Variants in ADAMTS7 observed in about 807,000 individuals in gnomAD.
ADAMTS7 encodes A disintegrin and metalloproteinase with thrombospondin motifs 7.
A neutral mutation model predicts 172.6 loss-of-function variants in ADAMTS7; 89 were observed. The observed-to-expected ratio is 0.52, with a 90% CI of 0.43 to 0.61. The LOEUF is 0.61. Among genes scored for constraint, ADAMTS7 ranks in the 20% least tolerant of loss-of-function variants. The probability of loss-of-function intolerance (pLI) is 0.00; values close to 1 mark genes in which losing one functional copy is unlikely to be tolerated. For missense variants in ADAMTS7, 1,973 were observed against 2,355.6 expected (o/e 0.84, Z 3.36); for synonymous variants, 885 against 978.4 (o/e 0.90, Z 1.78).
At chr15:78,798,807 A>C (rs1275651483) in intron 2 of ADAMTS7, among the ~76,000 whole-genome samples, 5 of 152,176 alleles carry the variant, frequency 3.3e-5, no homozygotes, top group African/African-American at 1.2e-4. Flanking sequence ...AACAGGAAAG[A>C]AGGTTTTATG....
chr15:78,759,613 T>C (rs1306373836), intron 23 of ADAMTS7, 35 bp from the exon 24 acceptor site: 2 of 1,531,820 alleles, frequency 1.3e-6, no homozygotes, highest in East Asian at 2.4e-5. Context: ...TCAGAACCAG[T>C]AGCTTGGGGT....
At position 78,811,327 on chromosome 15, in the gene ADAMTS7, G is replaced by A. The variant is rs998959186; in HGVS notation, c.-107C>T. The A allele has an allele frequency of 8.4e-7, 1 of 1,188,466 alleles. No homozygotes were observed. The highest frequency in any genetic ancestry group is 1.0e-6 in the Non-Finnish European group (1 of 954,210). 73.6% of individuals were successfully genotyped at this position (1,188,466 alleles called of 1,614,324 possible). A position where few individuals can be genotyped will look rare whatever the true frequency, so the allele number is the denominator to read the frequency against. On this transcript the variant is annotated 5_prime_UTR_variant, in exon 1 of 24. Coordinates refer to ENST00000388820, the MANE Select transcript of ADAMTS7 (RefSeq NM_014272.5). ...GGCTCAGGACATGCCCGGCCGGCGT[G>A]CAGCTCCCGGCGACCCGGCCCCGAC...
rs192327608 is a variant in ADAMTS7, at chr15:78,804,682, C to T, written c.101-4135G>A. ...CTCCCTCTGCTCACAACCGCCGCAG[C>T]GATGCCAGCCTCAAAGAGCTTTCTC... On this transcript the variant is annotated intron_variant, in intron 1 of 23. Transcript: ENST00000388820. Among the ~76,000 whole-genome samples the T allele has an allele frequency of 3.1e-3, 465 of 152,340 alleles. 3 individuals carry two copies. The highest frequency in any genetic ancestry group is 0.011 in the African/African-American group (440 of 41,572).
intron 8 of ADAMTS7, among the ~76,000 whole-genome samples, chr15:78,783,329 G>T (rs1401123581): frequency 6.6e-6 from 1 of 152,192 alleles, no homozygotes; most frequent in Non-Finnish European, 1.5e-5. Flanking sequence ...GAGTACAGTG[G>T]CGCAATCTCA....
At position 78,771,482 on chromosome 15, in the gene ADAMTS7, C is replaced by T; in HGVS notation, c.2376+103G>A. 1 of 1,540,134 alleles carries T rather than the reference C, an allele frequency of 6.5e-7. No homozygotes were observed. Among genetic ancestry groups the T allele is most frequent in the Non-Finnish European group, 8.7e-7 (1 of 1,146,326 alleles). On this transcript the variant is annotated intron_variant, in intron 15 of 23. Transcript: ENST00000388820. This position sits in a 1 kb window ranked among gnomAD's most constrained non-coding sequence, Gnocchi z 4.9. ...CCTGGCTCAGAGCCAGGCTCTGTGACTGAACCAGGGCTCACTCCTCCAGGA... is the reference window on the plus strand; with the variant it reads ...CCTGGCTCAGAGCCAGGCTCTGTGATTGAACCAGGGCTCACTCCTCCAGGA...
rs762159131 is a variant in ADAMTS7 at position 78,774,253 on chromosome 15, C to T, written c.1924G>A (p.Glu642Lys). The change falls in exon 13 of 24, where the codon GAG becomes AAG. Residue 642 changes from glutamate to lysine, a missense_variant. Physicochemically the swap from Glu to Lys is moderately conservative, Grantham distance 56. Around this residue, in one of 8 missense-constraint regions of ADAMTS7, gnomAD observed 526 missense variants for 662.9 expected, o/e 0.79. Transcript: ENST00000388820. ...HCRPANEYFA[E>K]KLRDAVVDGT... is the part of the protein sequence containing the mutation. Reference sequence around the variant, plus strand: ...TCGACCACGGCGTCCCGCAGCTTCTCGGCAAAGTACTCATTCGCGGGCCGG... The same window carrying T: ...TCGACCACGGCGTCCCGCAGCTTCTTGGCAAAGTACTCATTCGCGGGCCGG... The T allele has an allele frequency of 1.8e-5, 28 of 1,581,850 alleles. No homozygotes were observed. The highest frequency in any genetic ancestry group is 2.7e-5 in the African/African-American group (2 of 74,712).
chr15:78,759,368 C>G lies in ADAMTS7; in HGVS notation c.*53G>C. On this transcript the variant is annotated 3_prime_UTR_variant, in exon 24 of 24. Transcript: ENST00000388820. ...GGCGCAGGGGGCGGGAGCTCCGCCA[C>G]AGCCCGTGGTGGGCACTGAGGTCTG... 1.3e-6 allele frequency: 2 copies of G among 1,515,472 alleles called. No homozygotes were observed. The highest frequency in any genetic ancestry group is 2.5e-5 in the South Asian group (2 of 78,930). The allele number at this position is 1,515,472 out of a possible 1,614,324, so 93.9% of individuals were successfully genotyped here. A position where few individuals can be genotyped will look rare whatever the true frequency, so the allele number is the denominator to read the frequency against.
chr15:78,807,640 T>A (rs892055018), intron 1 of ADAMTS7, among the ~76,000 whole-genome samples: 2 of 152,212 alleles, frequency 1.3e-5, no homozygotes, highest in African/African-American at 4.8e-5. Context: ...TGATAATAAT[T>A]ACAGCTGCTC....
At position 78,763,840 on chromosome 15, in the gene ADAMTS7, G is replaced by A. The variant is rs746952523; in HGVS notation, c.4599C>T (p.Ser1533=). The A allele has an allele frequency of 4.3e-5, 68 of 1,582,362 alleles. No homozygotes were observed. The highest frequency in any genetic ancestry group is 3.8e-4 in the Admixed American group (21 of 55,530). ...SWYTSSWREC[S]EACGGGEQQR... ...GCTGCTCACCACCGCCACAGGCCTC[G>A]GAGCACTGGGTGGGCAGGGAAGGAG... The change falls in exon 22 of 24, where the codon TCC becomes TCT. Residue 1533 remains serine, a synonymous_variant. Transcript: ENST00000388820.
rs373042603 is a variant in ADAMTS7, at chr15:78,801,180, GCTCATCGTCTTACTCTA to G, written c.101-650_101-634del. Among the ~76,000 whole-genome samples, 4 of 152,254 alleles carry G rather than the reference GCTCATCGTCTTACTCTA, an allele frequency of 2.6e-5. 1 individual carries two copies. The highest frequency in any genetic ancestry group is 7.2e-5 in the African/African-American group (3 of 41,536). The stretch of plus-strand genomic sequence containing the variant: ...ACCAGCGCGATCATCGTCTTACTCT[GCTCATCGTCTTACTCTA>G]CTCATCGTCTCTCCTGCAATGGCGC... On this transcript the variant is annotated intron_variant, in intron 1 of 23. Coordinates refer to ENST00000388820, the MANE Select transcript of ADAMTS7 (RefSeq NM_014272.5).
intron 4 of ADAMTS7, among the ~76,000 whole-genome samples, chr15:78,794,329 A>C (rs974051674): frequency 2.0e-5 from 3 of 152,218 alleles, no homozygotes; most frequent in African/African-American, 4.8e-5. Flanking sequence ...AGATATTCAC[A>C]AGGCTCCAGC....
chr15:78,761,755 T>G (rs559334861), intron 23 of ADAMTS7, among the ~76,000 whole-genome samples: 4 of 152,032 alleles, frequency 2.6e-5, no homozygotes, highest in African/African-American at 9.7e-5. Flanking sequence ...CGTGTGTGTG[T>G]GTGTGCGCGC....
At chr15:78,782,820 C>T (rs566277600) in intron 8 of ADAMTS7, among the ~76,000 whole-genome samples, 6 of 151,974 alleles carry the variant, frequency 3.9e-5, no homozygotes, top group Non-Finnish European at 7.3e-5. Flanking sequence ...CTGTAAGAAC[C>T]GATCAGACCC....
Position 78,790,717 on chromosome 15 carries a change from C to G in ADAMTS7, c.981G>C (p.Lys327Asn), listed in dbSNP as rs748893146. 1 of 1,614,040 alleles carries G rather than the reference C, an allele frequency of 6.2e-7. No individual in the cohort carries two copies. The highest frequency in any genetic ancestry group is 8.5e-7 in the Non-Finnish European group (1 of 1,180,010). The change falls in exon 6 of 24, where the codon AAG (lysine) becomes AAC (asparagine). Residue 327 changes from lysine (K) to asparagine (N), a missense_variant. Transcript: ENST00000388820. Reference sequence around the variant, plus strand: ...CATGGTGCAGGGGATGGGCATCCCCCTTCATGTTGATGCTTTTCTGCCACT... The same window carrying G: ...CATGGTGCAGGGGATGGGCATCCCCGTTCATGTTGATGCTTTTCTGCCACT... ...FCKWQKSINMKGDAHPLHHDT... is the reference protein window; with the variant it reads ...FCKWQKSINMNGDAHPLHHDT...
intron 23 of ADAMTS7, among the ~76,000 whole-genome samples, chr15:78,759,979 G>A (rs564555515): frequency 1.3e-3 from 195 of 152,180 alleles, no homozygotes; most frequent in East Asian, 2.3e-3. Context: ...AGCCTGCAGC[G>A]GCCTCTGCCC....
At chr15:78,787,255 G>C (rs898052372) in intron 8 of ADAMTS7, among the ~76,000 whole-genome samples, 1 of 150,938 alleles carries the variant, frequency 6.6e-6, no homozygotes, top group Non-Finnish European at 1.5e-5. Flanking sequence ...ATTTAAACCT[G>C]GCACTGCACA....
At chr15:78,789,870 ACCTGG>A in intron 6 of ADAMTS7, 32 bp from the exon 7 acceptor site, 1 of 1,553,526 alleles carries the variant, frequency 6.4e-7, no homozygotes, top group Non-Finnish European at 8.7e-7. Context: ...CTTCAGGCTA[ACCTGG>A]CCCAGTGCCA....
chr15:78,764,750 C>T (rs756747226), intron 19 of ADAMTS7, 43 bp from the exon 20 acceptor site: 13 of 1,446,224 alleles, frequency 9.0e-6, no homozygotes, highest in East Asian at 2.6e-5. Flanking sequence ...ATCCCATCCC[C>T]GCCAGGCCTC....
chr15:78,788,032 G>T (rs1330124835), intron 8 of ADAMTS7, among the ~76,000 whole-genome samples, 199 bp downstream of exon 8: 2 of 152,168 alleles, frequency 1.3e-5, no homozygotes, highest in Non-Finnish European at 2.9e-5. Flanking sequence ...ATCTTTGCCA[G>T]GTGCCCCTCT....
Sources: gnomAD v4.1 joint callset for allele counts (sites outside exome capture counted in the v4.1 genomes callset) on GRCh38, gnomAD v4.1.1 for gene constraint, gnomAD v4.1.1 regional missense constraint, Gnocchi (gnomAD v3.1) non-coding constraint, MANE v1.5 for transcripts, NCBI Gene and HGNC (gene_info 2026-07-23, HGNC 2026-07-21) for gene names.